The following MSL2 variants were observed in gnomAD, a reference collection of about 807,000 sequenced individuals.
The protein encoded by MSL2 is E3 ubiquitin-protein ligase MSL2.
Under a neutral mutation model 35.8 loss-of-function variants are expected in MSL2, and 2 were observed. The observed-to-expected ratio is 0.06, with a 90% CI of 0.02 to 0.18. The LOEUF is 0.18. MSL2 is among the 10% of genes least tolerant of loss of function. The pLI is 1.00. For missense variants in MSL2, 523 were observed against 706.7 expected (o/e 0.74, Z 2.95); for synonymous variants, 296 against 255.7 (o/e 1.16, Z -1.50).
chr3:136,158,343 A>C (rs977194080), intron 1 of MSL2, among the ~76,000 whole-genome samples: 2 of 151,952 alleles, frequency 1.3e-5, no homozygotes, highest in Admixed American at 6.6e-5. Flanking sequence ...AGAAAATACA[A>C]ACCAAAATCT....
intron 1 of MSL2, among the ~76,000 whole-genome samples, chr3:136,176,626 A>T (rs1249383582): frequency 6.6e-6 from 1 of 151,410 alleles, no homozygotes; most frequent in Admixed American, 6.6e-5. Context: ...TGAATCTAAG[A>T]CCAGCCTGGG....
At chr3:136,168,694 T>A (rs1404042496) in intron 1 of MSL2, among the ~76,000 whole-genome samples, 2 of 151,992 alleles carry the variant, frequency 1.3e-5, no homozygotes, top group Non-Finnish European at 2.9e-5. Flanking sequence ...CCATGGCACG[T>A]GTACACCTAT....
At chr3:136,191,645 T>C (rs902620717) in intron 1 of MSL2, among the ~76,000 whole-genome samples, 6 of 152,014 alleles carry the variant, frequency 3.9e-5, no homozygotes, top group Admixed American at 6.6e-5. Context: ...TGATGGTACA[T>C]GCCTGTAGTT....
chr3:136,151,477 A>G lies in MSL2; in HGVS notation c.1404T>C (p.Thr468=). 6.2e-7 allele frequency: 1 copy of G among 1,614,222 alleles called. No individual in the cohort carries two copies. The highest frequency in any genetic ancestry group is 8.5e-7 in the Non-Finnish European group (1 of 1,180,034). ...EKKGCKCGRA[T]QNPSVLTCRG... The stretch of plus-strand genomic sequence containing the variant: ...GGCATGTAAGAACACTTGGATTTTG[A>G]GTAGCACGCCCACATTTACACCCTT... The change falls in exon 2 of 2, where the codon ACT becomes ACC. Residue 468 remains threonine (T), a synonymous_variant. Coordinates refer to ENST00000309993, the MANE Select transcript of MSL2 (RefSeq NM_018133.4). The surrounding 1 kb of genome is among the most constrained non-coding windows in gnomAD (Gnocchi z 5.2).
At chr3:136,174,838 A>G (rs574679692) in intron 1 of MSL2, among the ~76,000 whole-genome samples, 2 of 152,348 alleles carry the variant, frequency 1.3e-5, no homozygotes, top group South Asian at 4.1e-4. Flanking sequence ...CTTAATATGT[A>G]TATGTATATT....
At chr3:136,172,017 G>A (rs975295070) in intron 1 of MSL2, among the ~76,000 whole-genome samples, 2 of 152,174 alleles carry the variant, frequency 1.3e-5, no homozygotes, top group South Asian at 2.1e-4. Flanking sequence ...TCAGCCTTCT[G>A]CGTAGGTGGG....
At chr3:136,156,564 G>C (rs1259801324) in intron 1 of MSL2, among the ~76,000 whole-genome samples, 1 of 152,194 alleles carries the variant, frequency 6.6e-6, no homozygotes, top group Non-Finnish European at 1.5e-5. Flanking sequence ...CAACAAGATG[G>C]CTTAATAAAT....
At chr3:136,165,207 C>CAA (rs371730438) in intron 1 of MSL2, among the ~76,000 whole-genome samples, 5 of 59,316 alleles carry the variant, frequency 8.4e-5, no homozygotes, top group African/African-American at 2.3e-4. Flanking sequence ...AAGTTCGTGA[C>CAA]AAAAAAAAAA....
Position 136,152,749 on chromosome 3 carries a change from G to A in MSL2, c.143-11C>T. On this transcript the variant is annotated splice_polypyrimidine_tract_variant and intron_variant, in intron 1 of 1. Coordinates refer to ENST00000309993, the MANE Select transcript of MSL2 (RefSeq NM_018133.4). Reference sequence around the variant, plus strand: ...CTTGTAGCAAATGTCCTAAGGGGGAGAAGGAGGAAAGCAAAGATTTTAGTA... The same window carrying A: ...CTTGTAGCAAATGTCCTAAGGGGGAAAAGGAGGAAAGCAAAGATTTTAGTA... 1 of 1,604,712 alleles carries A rather than the reference G, an allele frequency of 6.2e-7. No individual in the cohort carries two copies. Among genetic ancestry groups the A allele is most frequent in the East Asian group, 2.2e-5 (1 of 44,736 alleles).
At chr3:136,181,056 G>A (rs893321659) in intron 1 of MSL2, among the ~76,000 whole-genome samples, 4 of 151,954 alleles carry the variant, frequency 2.6e-5, no homozygotes, top group Admixed American at 2.0e-4. Context: ...AAGAGGCTGA[G>A]GCAGGAGAAT....
chr3:136,156,010 C>T, intron 1 of MSL2: 1 of 341,034 alleles, frequency 2.9e-6, no homozygotes, highest in South Asian at 2.6e-5. Flanking sequence ...CTAACATTTC[C>T]TTATAGTACC....
intron 1 of MSL2, among the ~76,000 whole-genome samples, chr3:136,182,967 G>C (rs1940411314): frequency 6.6e-6 from 1 of 152,146 alleles, no homozygotes; most frequent in Non-Finnish European, 1.5e-5. Flanking sequence ...GGAAAAACTA[G>C]TCTCTAAAAG....
Position 136,195,207 on chromosome 3 carries a change from T to A in MSL2, c.-94A>T. The A allele has an allele frequency of 1.3e-6, 2 of 1,537,508 alleles. No homozygotes were observed. The highest frequency in any genetic ancestry group is 1.3e-5 in the South Asian group (1 of 79,156). On this transcript the variant is annotated 5_prime_UTR_variant, in exon 1 of 2. Coordinates refer to ENST00000309993, the MANE Select transcript of MSL2 (RefSeq NM_018133.4). ...GGGAACGATGGCGAATTTGCAACAA[T>A]TCGGAAGAAATCAGAGCCGAACCAT...
chr3:136,156,371 A>G (rs777273914), intron 1 of MSL2, among the ~76,000 whole-genome samples: 3 of 152,222 alleles, frequency 2.0e-5, no homozygotes, highest in Non-Finnish European at 4.4e-5. Flanking sequence ...GTTGGAAAAC[A>G]TAAAATGGGT....
chr3:136,183,103 C>A (rs1940415306), intron 1 of MSL2, among the ~76,000 whole-genome samples: 1 of 151,860 alleles, frequency 6.6e-6, no homozygotes, highest in East Asian at 1.9e-4. Flanking sequence ...TATCCAGCAA[C>A]AAAGTAAAAT....
chr3:136,155,969 T>C (rs1939507828), intron 1 of MSL2: 2 of 424,644 alleles, frequency 4.7e-6, no homozygotes, highest in Non-Finnish European at 9.5e-6. Context: ...TCTTATGCTT[T>C]AAAATAATGA....
intron 1 of MSL2, among the ~76,000 whole-genome samples, chr3:136,159,968 AC>A (rs1343410202): frequency 1.3e-5 from 2 of 152,064 alleles, no homozygotes; most frequent in African/African-American, 4.8e-5. Flanking sequence ...AACAAAAGAC[AC>A]CATTAAGAAA....
At position 136,195,108 on chromosome 3, in the gene MSL2, G is replaced by A. The variant is rs1940798656; in HGVS notation, c.6C>T (p.Asn2=). The change falls in exon 1 of 2, where the codon AAC becomes AAT. Residue 2 remains asparagine, a synonymous_variant. Transcript: ENST00000309993. M[N]PVNATALYIS... is the part of the protein sequence containing the mutation. Reference sequence around the variant, plus strand: ...TGTAGAGAGCAGTAGCATTCACGGGGTTCATTGCAGACACTTCGACACCAA... The same window carrying A: ...TGTAGAGAGCAGTAGCATTCACGGGATTCATTGCAGACACTTCGACACCAA... 4.4e-6 allele frequency: 7 copies of A among 1,605,684 alleles called. No homozygotes were observed. The highest frequency in any genetic ancestry group is 5.9e-6 in the Non-Finnish European group (7 of 1,177,166).
chr3:136,182,417 G>A (rs149091038), intron 1 of MSL2, among the ~76,000 whole-genome samples: 4 of 152,222 alleles, frequency 2.6e-5, no homozygotes, highest in Admixed American at 6.5e-5. Flanking sequence ...TTCAAATATT[G>A]ACGAACAGGC....
Sources: allele counts gnomAD v4.1 joint callset (sites outside exome capture counted in the v4.1 genomes callset), GRCh38; gene constraint gnomAD v4.1.1; non-coding constraint Gnocchi (gnomAD v3.1); transcripts MANE v1.5; gene names NCBI Gene and HGNC (gene_info 2026-07-23, HGNC 2026-07-21).